DOCK4: variants seen among roughly 807,000 people sequenced by gnomAD.
The protein encoded by DOCK4 is dedicator of cytokinesis protein 4.
Under a neutral mutation model 268.1 loss-of-function variants are expected in DOCK4, and 97 were observed. That is an observed-to-expected ratio of 0.36 (90% CI 0.31 to 0.43). The LOEUF is 0.43. DOCK4 is among the 20% of genes least tolerant of loss of function. DOCK4 has a pLI of 1.00. For synonymous variants in DOCK4, 954 were observed against 887.2 expected, an observed-to-expected ratio of 1.08 and a Z score of -1.34; for missense variants, 2,145 against 2,455.7, an observed-to-expected ratio of 0.87 and a Z score of 2.67.
chr7:111,975,105 A>G (rs1475991680), intron 8 of DOCK4, among the ~76,000 whole-genome samples: 1 of 152,168 alleles, frequency 6.6e-6, no homozygotes, highest in African/African-American at 2.4e-5. Flanking sequence ...CGTCTCTACT[A>G]AAAATACAAA....
chr7:112,106,189 G>T (rs1811136810), intron 1 of DOCK4, among the ~76,000 whole-genome samples: 1 of 152,172 alleles, frequency 6.6e-6, no homozygotes, highest in African/African-American at 2.4e-5. Context: ...AAGTCCTTTA[G>T]GCAGACACTA....
At chr7:112,001,813 T>A (rs1184282692) in intron 2 of DOCK4, among the ~76,000 whole-genome samples, 1 of 152,196 alleles carries the variant, frequency 6.6e-6, no homozygotes, top group Non-Finnish European at 1.5e-5. Context: ...CCATCCAAGG[T>A]TGCAGGTATC....
chr7:112,125,998 G>A lies in DOCK4; in HGVS notation c.37+80104C>T, dbSNP rs573664177. On this transcript the variant is annotated intron_variant, in intron 1 of 52. Coordinates refer to ENST00000428084, the MANE Select transcript of DOCK4 (RefSeq NM_001363540.2). Reference sequence around the variant, plus strand: ...TAATTTTTTGTAGAGACGGGGCTTCGTCATATTGCCTAGGCTGATCTCAAA... The same window carrying A: ...TAATTTTTTGTAGAGACGGGGCTTCATCATATTGCCTAGGCTGATCTCAAA... Among the ~76,000 whole-genome samples the A allele has an allele frequency of 3.9e-5, 6 of 151,926 alleles. No homozygotes were observed. In the South Asian group the frequency reaches 6.2e-4, roughly 16 times the overall value.
chr7:111,736,657 C>CAGGCA (rs1795508453), intron 50 of DOCK4, among the ~76,000 whole-genome samples: 1 of 152,198 alleles, frequency 6.6e-6, no homozygotes, highest in Non-Finnish European at 1.5e-5. Flanking sequence ...GCCTGGGTGA[C>CAGGCA]TCACTGGATG....
intron 39 of DOCK4, among the ~76,000 whole-genome samples, chr7:111,764,416 T>C (rs1797644920): frequency 6.6e-6 from 1 of 152,220 alleles, no homozygotes. Context: ...TTATAAACTA[T>C]CCCAGATACC....
At chr7:111,934,631 G>A (rs1028385327) in intron 12 of DOCK4, among the ~76,000 whole-genome samples, 11 of 143,094 alleles carry the variant, frequency 7.7e-5, no homozygotes, top group African/African-American at 2.6e-4. Flanking sequence ...CCAGGTTCAC[G>A]CCATTCTCCT....
At chr7:111,875,681 G>A (rs913636476) in intron 17 of DOCK4, among the ~76,000 whole-genome samples, 4 of 152,194 alleles carry the variant, frequency 2.6e-5, no homozygotes, top group African/African-American at 7.2e-5. Flanking sequence ...TGGAGGAAGG[G>A]GCCATAGGCC....
chr7:111,916,732 T>C (rs1792616208), intron 12 of DOCK4, among the ~76,000 whole-genome samples: 1 of 152,118 alleles, frequency 6.6e-6, no homozygotes, highest in South Asian at 2.1e-4. Context: ...AAGATAGCAC[T>C]TCTCTTTCAG....
chr7:111,838,417 G>T (rs1450121867), intron 25 of DOCK4, among the ~76,000 whole-genome samples: 1 of 152,080 alleles, frequency 6.6e-6, no homozygotes, highest in Non-Finnish European at 1.5e-5. Context: ...TGTCTACCAA[G>T]AGGTGAATGA....
Position 111,809,405 on chromosome 7 carries a change from AAACAAG to A in DOCK4, c.3007-10_3007-5del. On this transcript the variant is annotated splice_region_variant and splice_polypyrimidine_tract_variant and intron_variant, in intron 28 of 52. Coordinates refer to ENST00000428084, the MANE Select transcript of DOCK4 (RefSeq NM_001363540.2). ...GGTAAAAGTAGGAATCCCAGATCTA[AAACAAG>A]AACAAGATATATCAATACTATGGTG... 6.5e-7 allele frequency: 1 copy of A among 1,548,564 alleles called. No homozygotes were observed. The highest frequency in any genetic ancestry group is 8.8e-7 in the Non-Finnish European group (1 of 1,142,586).
intron 1 of DOCK4, among the ~76,000 whole-genome samples, chr7:112,203,826 T>TACACACAC (rs3056587): frequency 1.4e-5 from 2 of 146,894 alleles, no homozygotes; most frequent in Non-Finnish European, 3.0e-5. Context: ...AAAATTTCAC[T>TACACACAC]ACACACACAC....
chr7:112,182,736 A>G (rs973203637), intron 1 of DOCK4, among the ~76,000 whole-genome samples: 14 of 152,260 alleles, frequency 9.2e-5, no homozygotes, highest in Admixed American at 6.5e-4. Flanking sequence ...AGTCAGCTTT[A>G]TGGCCAATAA....
At chr7:111,732,358 T>A (rs1795163207) in intron 51 of DOCK4, 71 bp from the exon 52 acceptor site, 3 of 1,527,960 alleles carry the variant, frequency 2.0e-6, no homozygotes, top group Non-Finnish European at 2.7e-6. Context: ...ACATGCCCTC[T>A]GTGTTACAAA....
At chr7:111,901,034 A>G (rs1791097848) in intron 14 of DOCK4, among the ~76,000 whole-genome samples, 1 of 152,208 alleles carries the variant, frequency 6.6e-6, no homozygotes, top group Non-Finnish European at 1.5e-5. Context: ...GAAAGAAAAT[A>G]TATAGAATTA....
intron 1 of DOCK4, among the ~76,000 whole-genome samples, chr7:112,157,423 G>T (rs2189287): frequency 3.9e-5 from 6 of 151,984 alleles, no homozygotes; most frequent in African/African-American, 1.5e-4. Context: ...ACATTTTAAG[G>T]GTTAAAAGAA....
chr7:111,821,462 T>C (rs1405050891), intron 27 of DOCK4: 2 of 152,230 alleles, frequency 1.3e-5, no homozygotes, highest in Non-Finnish European at 2.9e-5. Context: ...CCATTCTGTA[T>C]CTTGAGACTA....
chr7:111,832,668 C>T (rs950681114), intron 26 of DOCK4, among the ~76,000 whole-genome samples: 2 of 152,104 alleles, frequency 1.3e-5, no homozygotes, highest in African/African-American at 4.8e-5. Flanking sequence ...GCTGGGACTA[C>T]AGGCACGAGC....
At chr7:111,962,643 A>T (rs1586509347) in intron 8 of DOCK4, among the ~76,000 whole-genome samples, 1 of 117,008 alleles carries the variant, frequency 8.5e-6, no homozygotes, top group African/African-American at 3.2e-5. Context: ...TTCCATATTT[A>T]AAAAAATCTT....
At chr7:111,987,724 T>C (rs924195395) in intron 6 of DOCK4, among the ~76,000 whole-genome samples, 1 of 152,216 alleles carries the variant, frequency 6.6e-6, no homozygotes, top group Non-Finnish European at 1.5e-5. Context: ...CTTCAACAGA[T>C]GAGGAACTGA....
Sources: gnomAD v4.1 joint callset for allele counts (sites outside exome capture counted in the v4.1 genomes callset) on GRCh38, gnomAD v4.1.1 for gene constraint, MANE v1.5 for transcripts, NCBI Gene and HGNC (gene_info 2026-07-23, HGNC 2026-07-21) for gene names.